The following DNAJB4 variants were observed in gnomAD, a reference collection of about 807,000 sequenced individuals.
The protein encoded by DNAJB4 is dnaJ homolog subfamily B member 4.
Under a neutral mutation model 26.6 loss-of-function variants are expected in DNAJB4, and 10 were observed. That is an observed-to-expected ratio of 0.38 (90% CI 0.23 to 0.64). DNAJB4 has a LOEUF of 0.64. Among genes scored for constraint, DNAJB4 ranks in the 30% least tolerant of loss-of-function variants. The pLI, the probability that DNAJB4 is intolerant of heterozygous loss-of-function variation, is 0.58. For missense variants in DNAJB4, 328 were observed against 408.2 expected, an observed-to-expected ratio of 0.80 and a Z score of 1.69; for synonymous variants, 136 against 134.8, an observed-to-expected ratio of 1.01 and a Z score of -0.06.
At chr1:78,014,600 A>G (rs970062922) in intron 2 of DNAJB4, among the ~76,000 whole-genome samples, 2 of 151,796 alleles carry the variant, frequency 1.3e-5, no homozygotes, top group African/African-American at 4.8e-5. Context: ...CTCTATTATT[A>G]TTATTATTAT....
At chr1:77,983,350 C>T (rs1483174436) in intron 1 of DNAJB4, among the ~76,000 whole-genome samples, 1 of 152,198 alleles carries the variant, frequency 6.6e-6, no homozygotes, top group Non-Finnish European at 1.5e-5. Flanking sequence ...AGACAGATGC[C>T]TTCCTCTTGT....
chr1:78,006,187 G>T (rs1392322446), intron 1 of DNAJB4, among the ~76,000 whole-genome samples: 1 of 152,144 alleles, frequency 6.6e-6, no homozygotes, highest in East Asian at 1.9e-4. Context: ...AGTGAGCACA[G>T]TAAAGGAGGA....
At chr1:77,992,075 A>C (rs1659942715) in intron 1 of DNAJB4, among the ~76,000 whole-genome samples, 1 of 152,190 alleles carries the variant, frequency 6.6e-6, no homozygotes, top group South Asian at 2.1e-4. Context: ...ATAGAACATA[A>C]CCATGGCAAA....
chr1:78,001,881 C>G (rs1020084711), upstream of DNAJB4, among the ~76,000 whole-genome samples: 1 of 152,070 alleles, frequency 6.6e-6, no homozygotes, highest in Non-Finnish European at 1.5e-5. Flanking sequence ...AATAATCTTA[C>G]CAATGTTTGA....
chr1:78,005,449 A>G (rs998883436), intron 1 of DNAJB4, 128 bp downstream of exon 1: 2 of 769,954 alleles, frequency 2.6e-6, no homozygotes, highest in African/African-American at 3.5e-5. Context: ...ATTCTCAGTC[A>G]TATCAAAAGT....
chr1:77,995,190 G>A (rs1174811642), intron 1 of DNAJB4, among the ~76,000 whole-genome samples: 3 of 152,058 alleles, frequency 2.0e-5, no homozygotes, highest in African/African-American at 7.2e-5. Context: ...ATTATATGCT[G>A]CAATGATAAT....
At chr1:77,995,600 A>G (rs1321944210) in intron 1 of DNAJB4, among the ~76,000 whole-genome samples, 1 of 152,098 alleles carries the variant, frequency 6.6e-6, no homozygotes, top group Admixed American at 6.6e-5. Context: ...CTACAGGTGC[A>G]TGCCACTACA....
At chr1:77,997,334 T>C (rs1020884321) in intron 1 of DNAJB4, among the ~76,000 whole-genome samples, 6 of 141,160 alleles carry the variant, frequency 4.3e-5, no homozygotes, top group Admixed American at 7.0e-5. Flanking sequence ...AAAAAAAAAA[T>C]CTATATCTAT....
chr1:77,985,619 T>C (rs943829303), intron 1 of DNAJB4, among the ~76,000 whole-genome samples: 3 of 152,168 alleles, frequency 2.0e-5, no homozygotes, highest in Non-Finnish European at 2.9e-5. Flanking sequence ...AGGACAGATA[T>C]TACCTTTAGA....
chr1:77,983,261 C>G (rs1370593224), intron 1 of DNAJB4, among the ~76,000 whole-genome samples: 1 of 152,204 alleles, frequency 6.6e-6, no homozygotes, highest in Admixed American at 6.5e-5. Flanking sequence ...AGCCCTAAGG[C>G]GGTTTTTCCC....
chr1:77,993,172 G>A (rs897207952), intron 1 of DNAJB4, among the ~76,000 whole-genome samples: 8 of 152,084 alleles, frequency 5.3e-5, no homozygotes, highest in Admixed American at 5.2e-4. Flanking sequence ...ACATTTCCTG[G>A]TAAGGGCCAG....
At chr1:78,014,640 C>A (rs920027539) in intron 2 of DNAJB4, among the ~76,000 whole-genome samples, 2 of 151,932 alleles carry the variant, frequency 1.3e-5, no homozygotes, top group African/African-American at 4.8e-5. Context: ...GCTCTGTCAC[C>A]CATGCTGGAG....
intron 1 of DNAJB4, among the ~76,000 whole-genome samples, chr1:77,995,503 G>A (rs551554164): frequency 4.2e-4 from 64 of 152,322 alleles, no homozygotes; most frequent in Non-Finnish European, 6.9e-4. Flanking sequence ...GGCTTGAAGT[G>A]CAGTGGTGTC....
chr1:78,007,782 T>G (rs1461919517), intron 1 of DNAJB4, among the ~76,000 whole-genome samples: 1 of 152,186 alleles, frequency 6.6e-6, no homozygotes, highest in Non-Finnish European at 1.5e-5. Flanking sequence ...TTTATTTATC[T>G]CCAGACGTGG....
At chr1:77,992,412 C>CAAAAAAAAAAAAAAA (rs67649336) in intron 1 of DNAJB4, among the ~76,000 whole-genome samples, 10 of 47,726 alleles carry the variant, frequency 2.1e-4, no homozygotes, top group African/African-American at 3.3e-4. Context: ...GACTCCGTCT[C>CAAAAAAAAAAAAAAA]AAAAAAAAAA....
Position 78,013,301 on chromosome 1 carries a change from C to G in DNAJB4, c.462C>G (p.Leu154=). 1 of 1,614,062 alleles carries G rather than the reference C, an allele frequency of 6.2e-7. No individual in the cohort carries two copies. The highest frequency in any genetic ancestry group is 8.5e-7 in the Non-Finnish European group (1 of 1,179,948). Residue 154 remains leucine (L), a synonymous_variant, in exon 2 of 3, where the codon CTC becomes CTG. Coordinates refer to ENST00000370763, the MANE Select transcript of DNAJB4 (RefSeq NM_007034.5). ...GGAATTCTGTGGGGCCATCCCGCCT[C>G]AAACAAGATCCTCCAGTTATTCATG... is the stretch of plus-strand genomic sequence containing the variant. The part of the protein sequence containing the change: ...RDRNSVGPSR[L]KQDPPVIHEL...
chr1:77,995,659 G>C (rs1660043278), intron 1 of DNAJB4, among the ~76,000 whole-genome samples: 1 of 152,132 alleles, frequency 6.6e-6, no homozygotes, highest in African/African-American at 2.4e-5. Context: ...TCACTATGTT[G>C]CTCAGCTGGT....
At chr1:77,991,996 A>T (rs552056813) in intron 1 of DNAJB4, among the ~76,000 whole-genome samples, 110 of 152,328 alleles carry the variant, frequency 7.2e-4, no homozygotes, top group African/African-American at 2.5e-3. Flanking sequence ...GCCTGGCAGG[A>T]ACCTAACACT....
upstream of DNAJB4, chr1:78,004,326 C>T (rs1371557665): frequency 6.6e-6 from 1 of 152,144 alleles, no homozygotes; most frequent in Non-Finnish European, 1.5e-5. Context: ...AACTAGTTAG[C>T]TAAAATCATG....
Sources: gnomAD v4.1 joint callset for allele counts (sites outside exome capture counted in the v4.1 genomes callset) on GRCh38, gnomAD v4.1.1 for gene constraint, MANE v1.5 for transcripts, NCBI Gene and HGNC (gene_info 2026-07-23, HGNC 2026-07-21) for gene names.